PCBD2: variants seen among roughly 807,000 people sequenced by gnomAD.
The protein encoded by PCBD2 is pterin-4 alpha-carbinolamine dehydratase 2.
A neutral mutation model predicts 16.4 loss-of-function variants in PCBD2; 12 were observed. The observed-to-expected ratio is 0.73, with a 90% CI of 0.47 to 1.19. The LOEUF (loss-of-function observed/expected upper bound fraction) is 1.19, where lower values mean the gene tolerates loss of function less well. Among genes scored for constraint, PCBD2 ranks in the 50% most tolerant of loss-of-function variants. The probability of loss-of-function intolerance (pLI) is 0.00; values close to 1 mark genes in which losing one functional copy is unlikely to be tolerated. For missense variants in PCBD2, 138 were observed against 156.8 expected (o/e 0.88, Z 0.64); for synonymous variants, 58 against 61.8 (o/e 0.94, Z 0.29).
intron 2 of PCBD2, among the ~76,000 whole-genome samples, chr5:134,954,227 C>T (rs1272046595): frequency 1.3e-5 from 2 of 152,216 alleles, no homozygotes; most frequent in Non-Finnish European, 2.9e-5. Flanking sequence ...TCCCAAAGCG[C>T]TGGGATTACA....
chr5:134,959,432 T>C (rs1751449699), intron 3 of PCBD2, among the ~76,000 whole-genome samples: 1 of 152,226 alleles, frequency 6.6e-6, no homozygotes, highest in African/African-American at 2.4e-5. Context: ...GGTAAATTAT[T>C]GAAAGAAATG....
At chr5:134,956,702 C>G (rs1261919400) in intron 2 of PCBD2, among the ~76,000 whole-genome samples, 2 of 152,134 alleles carry the variant, frequency 1.3e-5, no homozygotes, top group Non-Finnish European at 2.9e-5. Flanking sequence ...TTTATGACAA[C>G]TGGAAAAAGG....
At chr5:134,939,763 C>T (rs1052143489) in intron 2 of PCBD2, among the ~76,000 whole-genome samples, 7 of 152,086 alleles carry the variant, frequency 4.6e-5, no homozygotes, top group Non-Finnish European at 1.0e-4. Flanking sequence ...ACTTAACTAC[C>T]TTAAAGTTTT....
chr5:134,910,928 C>A (rs1368924843), intron 2 of PCBD2, among the ~76,000 whole-genome samples: 2 of 152,136 alleles, frequency 1.3e-5, no homozygotes, highest in Admixed American at 6.6e-5. Flanking sequence ...GTAGCTGGGA[C>A]TACAGGCATG....
chr5:134,911,135 G>A (rs1302004420), intron 2 of PCBD2, among the ~76,000 whole-genome samples: 1 of 152,192 alleles, frequency 6.6e-6, no homozygotes, highest in Non-Finnish European at 1.5e-5. Context: ...AACTGGTTGA[G>A]GAAGATGTAC....
chr5:134,906,877 C>T (rs1422929382), intron 1 of PCBD2, among the ~76,000 whole-genome samples: 1 of 152,184 alleles, frequency 6.6e-6, no homozygotes, highest in African/African-American at 2.4e-5. Flanking sequence ...CAAATCCTAG[C>T]CTACCCCCCA....
At chr5:134,905,419 C>T (rs1750673743) in intron 1 of PCBD2, 196 bp downstream of exon 1, 2 of 402,382 alleles carry the variant, frequency 5.0e-6, no homozygotes, top group Admixed American at 4.6e-5. Context: ...GTGGCCGCAG[C>T]CTCCGCCACT....
chr5:134,960,506 A>C, intron 3 of PCBD2, 80 bp from the exon 4 acceptor site: 1 of 938,126 alleles, frequency 1.1e-6, no homozygotes, highest in Non-Finnish European at 1.7e-6. Flanking sequence ...GTTGAATAAT[A>C]GACTGATTTC....
At chr5:134,952,438 TTAAAG>T (rs1312135692) in intron 2 of PCBD2, among the ~76,000 whole-genome samples, 1 of 152,190 alleles carries the variant, frequency 6.6e-6, no homozygotes, top group Non-Finnish European at 1.5e-5. Flanking sequence ...TTTTTAGAGT[TTAAAG>T]TATAGCAATT....
chr5:134,924,547 C>T (rs1419958743), intron 2 of PCBD2: 18 of 398,048 alleles, frequency 4.5e-5, no homozygotes, highest in Admixed American at 1.8e-4. Context: ...CCTATTGGTG[C>T]GGGGGCTTTG....
chr5:134,913,828 G>T (rs1382978198), intron 2 of PCBD2, among the ~76,000 whole-genome samples: 1 of 152,126 alleles, frequency 6.6e-6, no homozygotes, highest in African/African-American at 2.4e-5. Flanking sequence ...CTGAATGATT[G>T]GATGTGTGAT....
At chr5:134,910,636 C>T (rs1007452442) in intron 2 of PCBD2, among the ~76,000 whole-genome samples, 170 bp downstream of exon 2, 1 of 152,194 alleles carries the variant, frequency 6.6e-6, no homozygotes, top group Admixed American at 6.5e-5. Flanking sequence ...TGCTACCACC[C>T]ACCTGGGTGG....
chr5:134,957,880 A>G (rs956071758), intron 2 of PCBD2, among the ~76,000 whole-genome samples: 6 of 152,214 alleles, frequency 3.9e-5, no homozygotes, highest in Admixed American at 3.9e-4. Context: ...AAATGTCAAC[A>G]TGGAAACTTT....
chr5:134,918,088 C>T (rs1440222543), intron 2 of PCBD2, among the ~76,000 whole-genome samples: 7 of 152,158 alleles, frequency 4.6e-5, no homozygotes, highest in Admixed American at 2.6e-4. Flanking sequence ...CTTTGTTGTG[C>T]ACATCAAAGT....
chr5:134,948,801 T>C (rs1466897529), intron 2 of PCBD2, among the ~76,000 whole-genome samples: 1 of 151,898 alleles, frequency 6.6e-6, no homozygotes, highest in African/African-American at 2.4e-5. Flanking sequence ...GTGAGCATGC[T>C]ATCTCACAGG....
At chr5:134,935,598 T>C (rs569043753) in intron 2 of PCBD2, among the ~76,000 whole-genome samples, 4 of 152,228 alleles carry the variant, frequency 2.6e-5, no homozygotes, top group Non-Finnish European at 4.4e-5. Flanking sequence ...TGAATTTCTT[T>C]GGTGTCCTCT....
chr5:134,912,770 A>C (rs561780290), intron 2 of PCBD2, among the ~76,000 whole-genome samples: 6 of 152,214 alleles, frequency 3.9e-5, no homozygotes, highest in African/African-American at 1.2e-4. Context: ...TTGATGTTCG[A>C]AAGGAGAGCA....
intron 2 of PCBD2, chr5:134,928,648 C>T (rs1241904096): frequency 1.2e-5 from 2 of 169,426 alleles, no homozygotes; most frequent in Non-Finnish European, 2.5e-5. Context: ...TCCTGGCTAA[C>T]GTGGTGAAAC....
At chr5:134,925,902 TAGGGCA>T in intron 2 of PCBD2, 1 of 393,000 alleles carries the variant, frequency 2.5e-6, no homozygotes, top group Non-Finnish European at 4.5e-6. Flanking sequence ...GAAATCATGC[TAGGGCA>T]AGGATGAAAC....
Sources: gnomAD v4.1 joint callset for allele counts (sites outside exome capture counted in the v4.1 genomes callset) on GRCh38, gnomAD v4.1.1 for gene constraint, MANE v1.5 for transcripts, NCBI Gene and HGNC (gene_info 2026-07-23, HGNC 2026-07-21) for gene names.